Variants in PAX7 observed in about 807,000 individuals in gnomAD.
PAX7 encodes the protein paired box protein Pax-7.
Under a neutral mutation model 50.7 loss-of-function variants are expected in PAX7, and 18 were observed. That is an observed-to-expected ratio of 0.36 (90% CI 0.25 to 0.53). PAX7 has a LOEUF of 0.53. Among genes scored for constraint, PAX7 ranks in the 20% least tolerant of loss-of-function variants. The probability of loss-of-function intolerance (pLI) is 0.93; values close to 1 mark genes in which losing one functional copy is unlikely to be tolerated. For synonymous variants in PAX7, 310 were observed against 290.4 expected (o/e 1.07, Z -0.69); for missense variants, 644 against 702.9 (o/e 0.92, Z 0.95).
intron 3 of PAX7, among the ~76,000 whole-genome samples, chr1:18,635,529 A>AAGGAAGGAAGGAAGGAAC: frequency 2.0e-5 from 1 of 49,144 alleles, no homozygotes; most frequent in African/African-American, 1.1e-4. Context: ...AAGGAAGGAA[A>AAGGAAGGAAGGAAGGAAC]GAAGGAAGGA....
At chr1:18,710,852 G>C (rs893268959) in intron 7 of PAX7, among the ~76,000 whole-genome samples, 1 of 152,194 alleles carries the variant, frequency 6.6e-6, no homozygotes, top group Non-Finnish European at 1.5e-5. Context: ...AGGATTGCCT[G>C]CCCCGCTGAA....
chr1:18,704,229 C>T (rs2089256914), intron 7 of PAX7, among the ~76,000 whole-genome samples: 1 of 152,202 alleles, frequency 6.6e-6, no homozygotes, highest in African/African-American at 2.4e-5. Context: ...CTGTCCAGCT[C>T]CCTGTTTTTT....
chr1:18,633,439 C>G (rs1005531770), intron 1 of PAX7, among the ~76,000 whole-genome samples: 8 of 152,296 alleles, frequency 5.3e-5, no homozygotes, highest in Admixed American at 4.6e-4. Context: ...CCTGTCTTCC[C>G]GGTTCCCAAA....
intron 3 of PAX7, among the ~76,000 whole-genome samples, chr1:18,635,799 ATC>A (rs2088145067): frequency 6.6e-6 from 1 of 151,234 alleles, no homozygotes; most frequent in Non-Finnish European, 1.5e-5. Flanking sequence ...AGAGAAAGTG[ATC>A]TGTTGTGTGT....
chr1:18,656,059 T>C (rs895767734), intron 4 of PAX7, among the ~76,000 whole-genome samples: 3 of 152,168 alleles, frequency 2.0e-5, no homozygotes, highest in Non-Finnish European at 4.4e-5. Flanking sequence ...ATCTGCGATA[T>C]GGGTATTGTC....
Position 18,746,110 on chromosome 1 carries a change from A to T in PAX7, c.*1181A>T, listed in dbSNP as rs1208648026. On this transcript the variant is annotated 3_prime_UTR_variant, in exon 9 of 9. Coordinates refer to ENST00000420770, the MANE Select transcript of PAX7 (RefSeq NM_001135254.2). ...AGAGCTACCCTCAGAGCTTTGGAGGAGGGTTGTAGACTGGGCAGGGATGGT... is the reference window on the plus strand; with the variant it reads ...AGAGCTACCCTCAGAGCTTTGGAGGTGGGTTGTAGACTGGGCAGGGATGGT... The T allele has an allele frequency of 8.6e-6, 2 of 231,584 alleles. No homozygotes were observed. The highest frequency in any genetic ancestry group is 5.6e-5 in the Admixed American group (1 of 17,716). 14.3% of individuals were successfully genotyped at this position (231,584 alleles called of 1,614,324 possible).
chr1:18,724,026 T>C (rs2089525158), intron 7 of PAX7, among the ~76,000 whole-genome samples: 1 of 152,038 alleles, frequency 6.6e-6, no homozygotes, highest in African/African-American at 2.4e-5. Context: ...ACTCGCTCAG[T>C]GCCCCCGCCA....
intron 4 of PAX7, among the ~76,000 whole-genome samples, chr1:18,691,278 G>A (rs1291565881): frequency 6.6e-6 from 1 of 152,076 alleles, no homozygotes; most frequent in Non-Finnish European, 1.5e-5. Flanking sequence ...CATACATGGA[G>A]GCCTTTTTCT....
At position 18,731,317 on chromosome 1, in the gene PAX7, C is replaced by A. The variant is rs1455913718; in HGVS notation, c.1156-4315C>A. 4.6e-5 allele frequency among the ~76,000 whole-genome samples: 7 copies of A among 152,260 alleles called. No homozygotes were observed. The East Asian group carries it at 1.4e-3, about 30-fold the overall frequency. On this transcript the variant is annotated intron_variant, in intron 7 of 8. Transcript: ENST00000420770. The stretch of plus-strand genomic sequence containing the variant: ...CAGAGGCCAGCGAGGGGCATTTAGG[C>A]CCATAGGGCTCTGTGCAGTGAGGTT...
chr1:18,722,334 C>T (rs1014399957), intron 7 of PAX7, among the ~76,000 whole-genome samples: 1 of 152,108 alleles, frequency 6.6e-6, no homozygotes, highest in African/African-American at 2.4e-5. Context: ...CCTGCATCGC[C>T]AGCGAGAAAG....
At chr1:18,742,001 C>A (rs2100417483) in intron 8 of PAX7, among the ~76,000 whole-genome samples, 1 of 152,242 alleles carries the variant, frequency 6.6e-6, no homozygotes, top group Non-Finnish European at 1.5e-5. Context: ...ATGCGGATAC[C>A]ACCACTACCA....
rs558714916 is a variant in PAX7 at position 18,700,735 on chromosome 1, G to A, written c.869G>A (p.Gly290Glu). ...GCGGCGTTCAACCACCTTCTGCCAGGAGGCTTCCCACCCACCGGCATGCCC... is the reference window on the plus strand; with the variant it reads ...GCGGCGTTCAACCACCTTCTGCCAGAAGGCTTCCCACCCACCGGCATGCCC... ...QLAAFNHLLP[G>E]GFPPTGMPTL... Residue 290 changes from glycine (G) to glutamate (E), a missense_variant, in exon 6 of 9, where the codon GGA (glycine) becomes GAA (glutamate). Coordinates refer to ENST00000420770, the MANE Select transcript of PAX7 (RefSeq NM_001135254.2). The surrounding 1 kb of genome is among the most constrained non-coding windows in gnomAD (Gnocchi z 4.8). 189 of 1,599,754 alleles carry A rather than the reference G, an allele frequency of 1.2e-4. 1 individual carries two copies. Among genetic ancestry groups the A allele is most frequent in the Admixed American group, 4.1e-4 (24 of 58,070 alleles).
intron 4 of PAX7, among the ~76,000 whole-genome samples, chr1:18,648,340 CTTTTT>C (rs531869233): frequency 8.4e-6 from 1 of 119,736 alleles, no homozygotes; most frequent in Admixed American, 8.6e-5. Context: ...TTATTTTTGT[CTTTTT>C]TTTTTTTTTT....
At chr1:18,685,757 T>G (rs945930920) in intron 4 of PAX7, among the ~76,000 whole-genome samples, 2 of 152,236 alleles carry the variant, frequency 1.3e-5, no homozygotes, top group Admixed American at 6.5e-5. Flanking sequence ...GGTTGAGGCC[T>G]TGCTGGCGTG....
intron 4 of PAX7, among the ~76,000 whole-genome samples, chr1:18,639,222 G>A (rs1301996286): frequency 6.6e-6 from 1 of 152,146 alleles, no homozygotes; most frequent in Non-Finnish European, 1.5e-5. Flanking sequence ...TAGCTTCCAG[G>A]CATGGTAAGA....
At position 18,726,145 on chromosome 1, in the gene PAX7, A is replaced by AGTGTGTGT. The variant is rs35982827; in HGVS notation, c.1156-9460_1156-9453dup. Among the ~76,000 whole-genome samples, 775 of 137,566 alleles carry AGTGTGTGT rather than the reference A, an allele frequency of 5.6e-3. 9 individuals are homozygous for AGTGTGTGT. The highest frequency in any genetic ancestry group is 0.019 in the African/African-American group (684 of 36,680). 90.2% of individuals were successfully genotyped at this position (137,566 alleles called of 152,430 possible). ...ATAAAACAGACATTGGAAGAGTGTG[A>AGTGTGTGT]GTGTGTGTGTGTGTGTGTGTGTGTG... is the stretch of plus-strand genomic sequence containing the variant. On this transcript the variant is annotated intron_variant, in intron 7 of 8. Coordinates refer to ENST00000420770, the MANE Select transcript of PAX7 (RefSeq NM_001135254.2). This position sits in a 1 kb window ranked among gnomAD's most constrained non-coding sequence, Gnocchi z 4.8.
chr1:18,679,348 G>A lies in PAX7; in HGVS notation c.587-12406G>A, dbSNP rs143558197. Among the ~76,000 whole-genome samples the A allele has an allele frequency of 1.1e-3, 171 of 152,354 alleles. 1 individual carries two copies. Among genetic ancestry groups the A allele is most frequent in the African/African-American group, 3.6e-3 (148 of 41,596 alleles). ...TCCAGCACTGAGGAGGGGTGAGGGC[G>A]TGGGGAGGGGGAGAAGGAGGGTCCC... On this transcript the variant is annotated intron_variant, in intron 4 of 8. Coordinates refer to ENST00000420770, the MANE Select transcript of PAX7 (RefSeq NM_001135254.2).
chr1:18,646,531 T>G (rs1245006002), intron 4 of PAX7, among the ~76,000 whole-genome samples: 1 of 152,072 alleles, frequency 6.6e-6, no homozygotes, highest in African/African-American at 2.4e-5. Flanking sequence ...TGGAAACTGG[T>G]CAGCGGGTGC....
Position 18,746,783 on chromosome 1 carries a change from C to T in PAX7, c.*1854C>T, listed in dbSNP as rs1243813310. ...GGACACTCACCTGCATGGACATCACCTCTGTGACAAATGCTTACCTGTTTC... is the reference window on the plus strand; with the variant it reads ...GGACACTCACCTGCATGGACATCACTTCTGTGACAAATGCTTACCTGTTTC... On this transcript the variant is annotated 3_prime_UTR_variant, in exon 9 of 9. Coordinates refer to ENST00000420770, the MANE Select transcript of PAX7 (RefSeq NM_001135254.2). The T allele has an allele frequency of 1.3e-5, 3 of 231,990 alleles. No individual in the cohort carries two copies. Among genetic ancestry groups the T allele is most frequent in the African/African-American group, 6.6e-5 (3 of 45,260 alleles). The allele number at this position is 231,990 out of a possible 1,614,324, so 14.4% of individuals were successfully genotyped here. A position where few individuals can be genotyped will look rare whatever the true frequency, so the allele number is the denominator to read the frequency against.
Sources: gnomAD v4.1 joint callset for allele counts (sites outside exome capture counted in the v4.1 genomes callset) on GRCh38, gnomAD v4.1.1 for gene constraint, Gnocchi (gnomAD v3.1) non-coding constraint, MANE v1.5 for transcripts, NCBI Gene and HGNC (gene_info 2026-07-23, HGNC 2026-07-21) for gene names.